EVC2: variants seen among roughly 807,000 people sequenced by gnomAD.
EVC2 encodes the protein EvC ciliary complex subunit 2, also known as limbin.
Under a neutral mutation model 149.3 loss-of-function variants are expected in EVC2, and 148 were observed. The observed-to-expected ratio is 0.99, with a 90% confidence interval of 0.87 to 1.14. The LOEUF (loss-of-function observed/expected upper bound fraction) is 1.14. Ranked by LOEUF, EVC2 falls within the 50% of genes most tolerant of loss-of-function variation. The pLI, the probability that EVC2 is intolerant of heterozygous loss-of-function variation, is 0.00. For missense variants in EVC2, 1,854 were observed against 1,627.3 expected (o/e 1.14, Z -2.40); for synonymous variants, 776 against 649.9 (o/e 1.19, Z -2.95).
intron 19 of EVC2, among the ~76,000 whole-genome samples, chr4:5,570,438 G>C (rs1300242323): frequency 1.3e-5 from 2 of 152,136 alleles, no homozygotes; most frequent in Non-Finnish European, 2.9e-5. Context: ...ACTAAAATTG[G>C]TGACACAAAA....
Position 5,576,406 on chromosome 4 carries a change from C to T in EVC2, c.3106G>A (p.Glu1036Lys), listed in dbSNP as rs765141241. ...RKLEDQLVQQ[E>K]AAQQQQALAS... ...AGGGCCTGCTGCTGCTGGGCTGCCT[C>T]CTGCTGCACCAGCTGGTCCTCCAGC... The change falls in exon 18 of 22, where the codon GAG becomes AAG. Residue 1036 changes from glutamate to lysine, a missense_variant. Physicochemically the swap from Glu to Lys is moderately conservative, Grantham distance 56. Coordinates refer to ENST00000344408, the MANE Select transcript of EVC2 (RefSeq NM_147127.5). The surrounding 1 kb of genome is among the most constrained non-coding windows in gnomAD (Gnocchi z 4.5). 2 of 1,612,880 alleles carry T rather than the reference C, an allele frequency of 1.2e-6. No homozygotes were observed.
chr4:5,656,761 A>T (rs1471048662), intron 9 of EVC2, among the ~76,000 whole-genome samples: 1 of 152,158 alleles, frequency 6.6e-6, no homozygotes, highest in Non-Finnish European at 1.5e-5. Context: ...AGAGAAAGTG[A>T]TTTGGGACTC....
chr4:5,689,033 G>A lies in EVC2; in HGVS notation c.706+124C>T, dbSNP rs1720920896. The stretch of plus-strand genomic sequence containing the variant: ...ATACCCTGATAGTAAGATCCACTGT[G>A]AGGATTAGGAGAGTGAACATGTGTA... On this transcript the variant is annotated intron_variant, in intron 5 of 21. Coordinates refer to ENST00000344408, the MANE Select transcript of EVC2 (RefSeq NM_147127.5). 6 of 1,036,106 alleles carry A rather than the reference G, an allele frequency of 5.8e-6. No homozygotes were observed. In the East Asian group the frequency reaches 1.2e-4, roughly 21 times the overall value. The allele number at this position is 1,036,106 out of a possible 1,614,324, so 64.2% of individuals were successfully genotyped here.
intron 12 of EVC2, among the ~76,000 whole-genome samples, chr4:5,628,257 C>T (rs367613334): frequency 1.3e-5 from 2 of 151,794 alleles, no homozygotes; most frequent in African/African-American, 4.8e-5. Context: ...GGGACCTTTA[C>T]GAGATGATTA....
rs535322565 is a variant in EVC2 at position 5,681,231 on chromosome 4, G to A, written c.870+29C>T. ...CCCACACAGCACAGGTGTGTCCTGA[G>A]GGTGCTCAGGGCATGTCATGTCTCT... On this transcript the variant is annotated intron_variant, in intron 7 of 21. Transcript: ENST00000344408. 3.7e-6 allele frequency: 6 copies of A among 1,613,960 alleles called. No individual in the cohort carries two copies. In the South Asian group the frequency reaches 6.6e-5, roughly 18 times the overall value.
At chr4:5,584,989 C>T in intron 16 of EVC2, 139 bp from the exon 17 acceptor site, 1 of 908,464 alleles carries the variant, frequency 1.1e-6, no homozygotes. Context: ...GCACTGGGAA[C>T]CTGCAGGGAG....
intron 7 of EVC2, among the ~76,000 whole-genome samples, chr4:5,676,548 C>T (rs952885047): frequency 7.9e-5 from 12 of 152,220 alleles, no homozygotes; most frequent in Admixed American, 4.6e-4. Context: ...CATGCTATGA[C>T]TGCCACGGCC....
intron 16 of EVC2, among the ~76,000 whole-genome samples, chr4:5,611,916 C>CTA (rs1714852679): frequency 6.6e-6 from 1 of 152,186 alleles, no homozygotes; most frequent in East Asian, 1.9e-4. Context: ...TCTTCCCAGA[C>CTA]TACATTATTT....
At chr4:5,553,843 T>A (rs903833324) in intron 21 of EVC2, among the ~76,000 whole-genome samples, 17 of 151,928 alleles carry the variant, frequency 1.1e-4, no homozygotes, top group African/African-American at 3.9e-4. Flanking sequence ...CAGCACCCAA[T>A]AATGTAAAAC....
Position 5,708,335 on chromosome 4 carries a change from A to T in EVC2, c.179T>A (p.Leu60Gln). 2 of 1,471,568 alleles carry T rather than the reference A, an allele frequency of 1.4e-6. No homozygotes were observed. Among genetic ancestry groups the T allele is most frequent in the South Asian group, 2.6e-5 (2 of 75,706 alleles). 91.2% of individuals were successfully genotyped at this position (1,471,568 alleles called of 1,614,324 possible). ...CCCGCTCCGCCCCGGAGGGATCCTCAGGCCGGGCCCAGACCTAGGAGCCAC... is the reference window on the plus strand; with the variant it reads ...CCCGCTCCGCCCCGGAGGGATCCTCTGGCCGGGCCCAGACCTAGGAGCCAC... ...PQVAPRSGPG[L>Q]RIPPGRSGAG... Residue 60 changes from leucine (L) to glutamine (Q), a missense_variant, in exon 1 of 22, where the codon CTG becomes CAG. Leu to Gln is a moderately radical substitution (Grantham distance 113, BLOSUM62 -2). Coordinates refer to ENST00000344408, the MANE Select transcript of EVC2 (RefSeq NM_147127.5).
intron 21 of EVC2, among the ~76,000 whole-genome samples, chr4:5,549,347 T>C (rs765381731): frequency 2.6e-5 from 4 of 152,160 alleles, no homozygotes; most frequent in Middle Eastern, 3.2e-3. Context: ...GGGAATACAA[T>C]GAGTAGTAAA....
At chr4:5,577,573 G>A (rs1723007623) in intron 17 of EVC2, among the ~76,000 whole-genome samples, 1 of 152,068 alleles carries the variant, frequency 6.6e-6, no homozygotes. Flanking sequence ...CTGCAGAAAG[G>A]CCAAAGCTTG....
chr4:5,650,660 G>C (rs1317575302), intron 9 of EVC2, among the ~76,000 whole-genome samples: 1 of 143,278 alleles, frequency 7.0e-6, no homozygotes, highest in Non-Finnish European at 1.5e-5. Flanking sequence ...GAGAGAGAGA[G>C]AGAGAGAGAG....
downstream of EVC2, among the ~76,000 whole-genome samples, chr4:5,558,572 A>T (rs1039982965): frequency 6.6e-6 from 1 of 152,252 alleles, no homozygotes; most frequent in Non-Finnish European, 1.5e-5. Flanking sequence ...TATCATATGC[A>T]GATTAAAAAC....
At chr4:5,601,906 C>A (rs1305062204) in intron 16 of EVC2, among the ~76,000 whole-genome samples, 1 of 152,066 alleles carries the variant, frequency 6.6e-6, no homozygotes, top group Non-Finnish European at 1.5e-5. Flanking sequence ...GTGAGATGTA[C>A]CCTGAAAGAT....
Position 5,657,179 on chromosome 4 carries a change from G to C in EVC2, c.1145+5928C>G, listed in dbSNP as rs1718578001. On this transcript the variant is annotated intron_variant, in intron 9 of 21. Coordinates refer to ENST00000344408, the MANE Select transcript of EVC2 (RefSeq NM_147127.5). The surrounding 1 kb of genome is among the most constrained non-coding windows in gnomAD (Gnocchi z 4.7). Reference sequence around the variant, plus strand: ...GCACTCCATGTTGCTCAGCAAGTCTGGGTTTCTCTAGTAAGCCACTTCCCC... The same window carrying C: ...GCACTCCATGTTGCTCAGCAAGTCTCGGTTTCTCTAGTAAGCCACTTCCCC... Among the ~76,000 whole-genome samples, 1 of 152,122 alleles carries C rather than the reference G, an allele frequency of 6.6e-6. No individual in the cohort carries two copies. Among genetic ancestry groups the C allele is most frequent in the African/African-American group, 2.4e-5 (1 of 41,440 alleles).
At chr4:5,682,551 G>C (rs1720422113) in intron 6 of EVC2, among the ~76,000 whole-genome samples, 1 of 151,076 alleles carries the variant, frequency 6.6e-6, no homozygotes, top group African/African-American at 2.4e-5. Flanking sequence ...AGTAGTAGCA[G>C]TAGTATCATT....
At chr4:5,631,194 T>G (rs1221106114) in intron 11 of EVC2, among the ~76,000 whole-genome samples, 6 of 152,218 alleles carry the variant, frequency 3.9e-5, no homozygotes. Flanking sequence ...TACTAAACCC[T>G]ACATATACAT....
chr4:5,540,420 C>T (rs747054254), downstream of EVC2, among the ~76,000 whole-genome samples: 42 of 152,286 alleles, frequency 2.8e-4, no homozygotes, highest in Non-Finnish European at 5.3e-4. Context: ...CAACCTAGAC[C>T]GACCCAGATT....
Sources: gnomAD v4.1 joint callset for allele counts (sites outside exome capture counted in the v4.1 genomes callset) on GRCh38, gnomAD v4.1.1 for gene constraint, Gnocchi (gnomAD v3.1) non-coding constraint, MANE v1.5 for transcripts, NCBI Gene and HGNC (gene_info 2026-07-23, HGNC 2026-07-21) for gene names.